Variants in PPP4R3B observed in about 807,000 individuals in gnomAD.
PPP4R3B encodes the protein serine/threonine-protein phosphatase 4 regulatory subunit 3B.
A neutral mutation model predicts 95.4 loss-of-function variants in PPP4R3B; 52 were observed. That is an observed-to-expected ratio of 0.54 (90% confidence interval 0.44 to 0.69). The LOEUF (loss-of-function observed/expected upper bound fraction) is 0.69. Among genes scored for constraint, PPP4R3B ranks in the 30% least tolerant of loss-of-function variants. The probability of loss-of-function intolerance (pLI) is 0.00; values close to 1 mark genes in which losing one functional copy is unlikely to be tolerated. For missense variants in PPP4R3B, 1,003 were observed against 1,005.9 expected (o/e 1.00, Z 0.04); for synonymous variants, 407 against 343.9 (o/e 1.18, Z -2.03).
At position 55,598,803 on chromosome 2, in the gene PPP4R3B, C is replaced by A. The variant is rs756115036; in HGVS notation, c.534G>T (p.Leu178=). The change falls in exon 4 of 17, where the codon CTG becomes CTT. Residue 178 remains leucine, a synonymous_variant. Coordinates refer to ENST00000616407, the MANE Select transcript of PPP4R3B (RefSeq NM_001122964.3). ...NEGYIKKLLQ[L]FQACENLENT... is the part of the protein sequence containing the mutation. ...TTTCTAGGTTCTCGCAAGCTTGGAA[C>A]AGCTGCAATAGTTTTTTAATATAGC... The A allele has an allele frequency of 1.2e-6, 2 of 1,614,172 alleles. No individual in the cohort carries two copies. The highest frequency in any genetic ancestry group is 4.5e-5 in the East Asian group (2 of 44,878).
intron 12 of PPP4R3B, among the ~76,000 whole-genome samples, chr2:55,571,594 C>T (rs1055322916): frequency 2.6e-5 from 4 of 152,062 alleles, no homozygotes; most frequent in African/African-American, 9.7e-5. Flanking sequence ...CACTATAATG[C>T]CTGGCATAAT....
chr2:55,573,718 C>A lies in PPP4R3B; in HGVS notation c.1666G>T (p.Glu556Ter). Residue 556 changes from glutamate to a stop codon, truncating the protein, a stop_gained, in exon 12 of 17, where the codon GAA (glutamate) becomes TAA (stop). Coordinates refer to ENST00000616407, the MANE Select transcript of PPP4R3B (RefSeq NM_001122964.3). LOFTEE classifies it high-confidence loss of function. ...TTTTTTATGTGATATGTGTGATGTT[C>A]CACACAAAATGTGAGTAACTCTAAA... ...LILELLTFCVEHHTYHIKNYI... is the reference protein window; with the variant it reads ...LILELLTFCV The A allele has an allele frequency of 1.3e-6, 2 of 1,543,446 alleles. No individual in the cohort carries two copies. Among genetic ancestry groups the A allele is most frequent in the Non-Finnish European group, 1.7e-6 (2 of 1,144,292 alleles).
rs935981440 is a variant in PPP4R3B at position 55,603,788 on chromosome 2, T to C, written c.297+190A>G. Reference sequence around the variant, plus strand: ...AATCTAAAGTGGTAAAACAAAAGTATGACAAAGTTGTTTTTAAAAAACTTA... The same window carrying C: ...AATCTAAAGTGGTAAAACAAAAGTACGACAAAGTTGTTTTTAAAAAACTTA... On this transcript the variant is annotated intron_variant, in intron 3 of 16. Transcript: ENST00000616407. 1.2e-4 allele frequency among the ~76,000 whole-genome samples: 18 copies of C among 152,338 alleles called. 1 individual carries two copies. The highest frequency in any genetic ancestry group is 1.0e-3 in the South Asian group (5 of 4,832).
chr2:55,604,216 A>G, intron 2 of PPP4R3B, 140 bp from the exon 3 acceptor site: 1 of 481,712 alleles, frequency 2.1e-6, no homozygotes, highest in Non-Finnish European at 3.5e-6. Flanking sequence ...TCTGATTGGC[A>G]TTATTAGTAA....
At chr2:55,559,888 G>A (rs1210239442) in intron 15 of PPP4R3B, among the ~76,000 whole-genome samples, 1 of 152,166 alleles carries the variant, frequency 6.6e-6, no homozygotes, top group Non-Finnish European at 1.5e-5. Context: ...TTGGGTGGCT[G>A]AGGAGGGTGG....
intron 16 of PPP4R3B, among the ~76,000 whole-genome samples, 164 bp downstream of exon 16, chr2:55,558,611 A>G (rs1686165022): frequency 1.3e-5 from 2 of 152,054 alleles, no homozygotes; most frequent in Non-Finnish European, 2.9e-5. Flanking sequence ...TGTCTCAAAA[A>G]ATAAAATAAA....
chr2:55,550,399 G>A (rs1269541448), intron 16 of PPP4R3B, among the ~76,000 whole-genome samples: 2 of 152,114 alleles, frequency 1.3e-5, no homozygotes, highest in African/African-American at 4.8e-5. Context: ...TGTAGTCTTT[G>A]TTCATCTTGT....
In PPP4R3B at chr2:55,583,504, A is replaced by C. The variant is rs1384791960; in HGVS notation, c.1233+1547T>G. On this transcript the variant is annotated intron_variant, in intron 7 of 16. Coordinates refer to ENST00000616407, the MANE Select transcript of PPP4R3B (RefSeq NM_001122964.3). Reference sequence around the variant, plus strand: ...AAAGCTTGAAGAGTTAAGAATTCTGAAAGTTAACAGTTTACTAAGATCATG... The same window carrying C: ...AAAGCTTGAAGAGTTAAGAATTCTGCAAGTTAACAGTTTACTAAGATCATG... 3.3e-5 allele frequency among the ~76,000 whole-genome samples: 5 copies of C among 152,332 alleles called. No homozygotes were observed. The East Asian group carries it at 9.6e-4, about 29-fold the overall frequency.
At chr2:55,579,893 G>A (rs1689213769) in intron 8 of PPP4R3B, 112 bp from the exon 9 acceptor site, 1 of 558,804 alleles carries the variant, frequency 1.8e-6, no homozygotes, top group Non-Finnish European at 3.1e-6. Context: ...AGAATTAGCA[G>A]TACAGATCAT....
At chr2:55,581,185 G>A (rs748666405) in intron 8 of PPP4R3B, among the ~76,000 whole-genome samples, 5 of 152,068 alleles carry the variant, frequency 3.3e-5, no homozygotes, top group Admixed American at 6.5e-5. Context: ...CCCGAGAGGC[G>A]GAGGTTGCAG....
chr2:55,565,051 C>A lies in PPP4R3B; in HGVS notation c.1936-10G>T. The A allele has an allele frequency of 6.5e-7, 1 of 1,544,544 alleles. No homozygotes were observed. The highest frequency in any genetic ancestry group is 8.7e-7 in the Non-Finnish European group (1 of 1,149,126). On this transcript the variant is annotated splice_polypyrimidine_tract_variant and intron_variant, in intron 13 of 16. Coordinates refer to ENST00000616407, the MANE Select transcript of PPP4R3B (RefSeq NM_001122964.3). ...GAGACTTGATATCTTCCTGTATAAG[C>A]ACAAAATTTACATTTAAAATATAAT...
intron 3 of PPP4R3B, among the ~76,000 whole-genome samples, chr2:55,599,360 C>A (rs945618156): frequency 6.6e-6 from 1 of 152,128 alleles, no homozygotes; most frequent in Non-Finnish European, 1.5e-5. Context: ...ATCGCTTGAA[C>A]CTGGAAGGTG....
intron 4 of PPP4R3B, among the ~76,000 whole-genome samples, chr2:55,589,972 T>C (rs1441728485): frequency 9.0e-5 from 13 of 143,944 alleles, no homozygotes; most frequent in Non-Finnish European, 1.4e-4. Context: ...TATATATTTA[T>C]ATATATATTT....
intron 11 of PPP4R3B, among the ~76,000 whole-genome samples, chr2:55,576,886 G>A (rs763758875): frequency 1.3e-5 from 2 of 152,062 alleles, no homozygotes; most frequent in East Asian, 1.9e-4. Flanking sequence ...GGGACGGTAG[G>A]TGCACACAGC....
intron 2 of PPP4R3B, among the ~76,000 whole-genome samples, chr2:55,607,729 T>C (rs573158679): frequency 2.0e-4 from 30 of 152,212 alleles, no homozygotes; most frequent in African/African-American, 6.7e-4. Flanking sequence ...TCAGCCCCTC[T>C]CCCCTTCTGG....
At chr2:55,591,969 CTTTTG>C (rs1691093776) in intron 4 of PPP4R3B, among the ~76,000 whole-genome samples, 3 of 152,056 alleles carry the variant, frequency 2.0e-5, no homozygotes, top group African/African-American at 7.2e-5. Context: ...GTTTTAACAG[CTTTTG>C]TTTTAATAAA....
chr2:55,559,965 T>A (rs1361719620), intron 15 of PPP4R3B, among the ~76,000 whole-genome samples: 1 of 151,996 alleles, frequency 6.6e-6, no homozygotes, highest in African/African-American at 2.4e-5. Context: ...CTATTAAAAA[T>A]ACAAAAATTA....
chr2:55,553,985 G>C (rs534885659), intron 16 of PPP4R3B, among the ~76,000 whole-genome samples: 10 of 152,266 alleles, frequency 6.6e-5, no homozygotes, highest in African/African-American at 2.2e-4. Context: ...TGAGGTAGCT[G>C]GGTCATATGG....
In PPP4R3B at chr2:55,598,863, A is replaced by G. The variant is rs777207946; in HGVS notation, c.474T>C (p.Arg158=). The G allele has an allele frequency of 2.5e-6, 4 of 1,614,196 alleles. No homozygotes were observed. Among genetic ancestry groups the G allele is most frequent in the South Asian group, 2.2e-5 (2 of 91,088 alleles). ...LVTSVLSSPI[R]REKLALALEN... ...CCAAGGCGAGAGCCAGCTTTTCCCT[A>G]CGGATAGGTGAGGAGAGCACTGAGG... The change falls in exon 4 of 17, where the codon CGT becomes CGC. Residue 158 remains arginine, a synonymous_variant. Transcript: ENST00000616407.
Sources: allele counts gnomAD v4.1 joint callset (sites outside exome capture counted in the v4.1 genomes callset), GRCh38; gene constraint gnomAD v4.1.1; transcripts MANE v1.5; gene names NCBI Gene and HGNC (gene_info 2026-07-23, HGNC 2026-07-21).